The following CYP2C19 variants were observed in gnomAD, a reference collection of about 807,000 sequenced individuals.
CYP2C19 encodes cytochrome P450 family 2 subfamily C member 19, also known as cytochrome P450 2C19.
Under a neutral mutation model 40.9 loss-of-function variants are expected in CYP2C19, and 59 were observed. That is an observed-to-expected ratio of 1.44 (90% confidence interval 1.17 to 1.79). The LOEUF (loss-of-function observed/expected upper bound fraction) is 1.79, where lower values mean the gene tolerates loss of function less well. Among genes scored for constraint, CYP2C19 ranks in the 40% most tolerant of loss-of-function variants. The pLI, the probability that CYP2C19 is intolerant of heterozygous loss-of-function variation, is 0.00. For missense variants in CYP2C19, 754 were observed against 596.9 expected (o/e 1.26, Z -2.74); for synonymous variants, 253 against 208.7 (o/e 1.21, Z -1.83).
At chr10:94,828,744 G>T (rs1589370730) in intron 6 of CYP2C19, among the ~76,000 whole-genome samples, 1 of 152,116 alleles carries the variant, frequency 6.6e-6, no homozygotes, top group South Asian at 2.1e-4. Flanking sequence ...AGTTGATGCA[G>T]TTTCTTCCTA....
chr10:94,835,203 C>G (rs780680697), intron 6 of CYP2C19, among the ~76,000 whole-genome samples: 1 of 152,164 alleles, frequency 6.6e-6, no homozygotes, highest in Non-Finnish European at 1.5e-5. Context: ...GTATGGCCTG[C>G]AGTGCCTTTG....
At chr10:94,810,653 G>A (rs1241855414) in intron 5 of CYP2C19, among the ~76,000 whole-genome samples, 2 of 152,144 alleles carry the variant, frequency 1.3e-5, no homozygotes, top group African/African-American at 4.8e-5. Context: ...ATTTCTTCTA[G>A]ATTTTCTAGT....
intron 1 of CYP2C19, among the ~76,000 whole-genome samples, chr10:94,767,614 T>A (rs1848265042): frequency 1.3e-5 from 2 of 152,172 alleles, no homozygotes; most frequent in South Asian, 4.1e-4. Context: ...GATTATTCTT[T>A]TGGCACACCT....
intron 5 of CYP2C19, among the ~76,000 whole-genome samples, chr10:94,810,323 C>G (rs550491506): frequency 2.0e-5 from 3 of 152,072 alleles, no homozygotes; most frequent in Admixed American, 6.6e-5. Flanking sequence ...ATGTTCATCA[C>G]GGATATTGGC....
Position 94,853,190 on chromosome 10 carries a change from G to T in CYP2C19, c.*276G>T. 2.3e-6 allele frequency: 1 copy of T among 428,616 alleles called. No homozygotes were observed. The highest frequency in any genetic ancestry group is 4.1e-6 in the Non-Finnish European group (1 of 243,466). The allele number at this position is 428,616 out of a possible 1,614,324, so 26.6% of individuals were successfully genotyped here. ...ATATTATTATTAAATAGAGAAAGAT[G>T]ATTTGTGTATTATAATTCAAAGGCA... On this transcript the variant is annotated 3_prime_UTR_variant, in exon 9 of 9. Coordinates refer to ENST00000371321, the MANE Select transcript of CYP2C19 (RefSeq NM_000769.4).
chr10:94,799,982 G>A (rs1310470188), intron 5 of CYP2C19, among the ~76,000 whole-genome samples: 1 of 151,982 alleles, frequency 6.6e-6, no homozygotes, highest in Non-Finnish European at 1.5e-5. Context: ...TGTTATTACC[G>A]ACATTCTGAA....
At position 94,822,903 on chromosome 10, in the gene CYP2C19, T is replaced by C. The variant is rs540779003; in HGVS notation, c.961+2266T>C. On this transcript the variant is annotated intron_variant, in intron 6 of 8. Coordinates refer to ENST00000371321, the MANE Select transcript of CYP2C19 (RefSeq NM_000769.4). ...TTTTGAGAAGTGTCTGTTCATGTCCTTTCACCATTTCTAATTTTTTTTTTG... is the reference window on the plus strand; with the variant it reads ...TTTTGAGAAGTGTCTGTTCATGTCCCTTCACCATTTCTAATTTTTTTTTTG... Among the ~76,000 whole-genome samples the C allele has an allele frequency of 3.6e-4, 55 of 152,110 alleles. No homozygotes were observed. The South Asian group carries it at 4.8e-3, about 13-fold the overall frequency.
At chr10:94,848,924 T>G (rs1217870253) in intron 7 of CYP2C19, among the ~76,000 whole-genome samples, 1 of 151,370 alleles carries the variant, frequency 6.6e-6, no homozygotes, top group African/African-American at 2.5e-5. Context: ...TGTCCATTGA[T>G]TTTGTATCCT....
chr10:94,821,656 G>C (rs1011481282), intron 6 of CYP2C19, among the ~76,000 whole-genome samples: 1 of 152,010 alleles, frequency 6.6e-6, no homozygotes, highest in East Asian at 1.9e-4. Flanking sequence ...AAAGACTTTC[G>C]GTTATGCTGC....
Position 94,775,395 on chromosome 10 carries a change from G to T in CYP2C19, c.337G>T (p.Val113Phe). 1.2e-6 allele frequency: 2 copies of T among 1,613,974 alleles called. No homozygotes were observed. Among genetic ancestry groups the T allele is most frequent in the African/African-American group, 1.3e-5 (1 of 75,030 alleles). Residue 113 changes from valine to phenylalanine, a missense_variant, in exon 3 of 9, where the codon GTT becomes TTT. Physicochemically the swap from Val to Phe is conservative, Grantham distance 50. Transcript: ENST00000371321. ...AERANRGFGI[V>F]FSNGKRWKEI... The stretch of plus-strand genomic sequence containing the variant: ...TTCGTTTCTCTTCCTGTTAGGAATC[G>T]TTTTCAGCAATGGAAAGAGATGGAA...
chr10:94,766,696 A>G (rs141305589), intron 1 of CYP2C19, among the ~76,000 whole-genome samples: 107 of 152,170 alleles, frequency 7.0e-4, no homozygotes, highest in Middle Eastern at 3.4e-3. Context: ...CTTCTGAAAT[A>G]AGAGATGCAA....
At position 94,835,011 on chromosome 10, in the gene CYP2C19, A is replaced by G. The variant is rs185915748; in HGVS notation, c.962-7826A>G. Among the ~76,000 whole-genome samples, 471 of 152,210 alleles carry G rather than the reference A, an allele frequency of 3.1e-3. 3 individuals are homozygous for G. The highest frequency in any genetic ancestry group is 0.011 in the African/African-American group (448 of 41,518). ...GTGGTGCAGTTGAGATTTCCTCGGG[A>G]GAGGTGCCTTCAATGTCATTAACAT... On this transcript the variant is annotated intron_variant, in intron 6 of 8. Transcript: ENST00000371321.
At position 94,811,621 on chromosome 10, in the gene CYP2C19, C is replaced by T. The variant is rs2264940; in HGVS notation, c.820-8875C>T. Among the ~76,000 whole-genome samples the T allele has an allele frequency of 6.6e-5, 10 of 152,106 alleles. No homozygotes were observed. In the South Asian group the frequency reaches 2.1e-3, roughly 32 times the overall value. On this transcript the variant is annotated intron_variant, in intron 5 of 8. Transcript: ENST00000371321. Reference sequence around the variant, plus strand: ...TAGCTCTTCTCGTTGCATTGATCCCCTTAACATTATATGATACCACCCCTT... The same window carrying T: ...TAGCTCTTCTCGTTGCATTGATCCCTTTAACATTATATGATACCACCCCTT...
At chr10:94,767,896 A>G (rs756025461) in intron 1 of CYP2C19, among the ~76,000 whole-genome samples, 7 of 152,052 alleles carry the variant, frequency 4.6e-5, no homozygotes, top group Non-Finnish European at 1.0e-4. Context: ...TTTGTTCCAT[A>G]CCAAGTGTCC....
At chr10:94,825,860 T>G (rs1336373947) in intron 6 of CYP2C19, among the ~76,000 whole-genome samples, 3 of 150,844 alleles carry the variant, frequency 2.0e-5, no homozygotes, top group Non-Finnish European at 3.0e-5. Context: ...GGATCCAGTT[T>G]CAGCTTTCTA....
chr10:94,826,139 G>A (rs963152046), intron 6 of CYP2C19, among the ~76,000 whole-genome samples: 43 of 151,950 alleles, frequency 2.8e-4, no homozygotes, highest in South Asian at 6.2e-4. Context: ...TTGGTGATGC[G>A]GGCTCTTTTT....
intron 5 of CYP2C19, among the ~76,000 whole-genome samples, chr10:94,810,519 C>CTTT (rs59589203): frequency 1.3e-5 from 2 of 151,576 alleles, no homozygotes; most frequent in South Asian, 2.1e-4. Flanking sequence ...AGGTCCTGGG[C>CTTT]TTTTTTTTGC....
intron 6 of CYP2C19, among the ~76,000 whole-genome samples, chr10:94,823,403 G>C (rs1311961527): frequency 6.6e-6 from 1 of 152,138 alleles, no homozygotes; most frequent in South Asian, 2.1e-4. Context: ...TTTGGTAAGG[G>C]TCCACACCTT....
chr10:94,793,929 T>C (rs1482181327), intron 5 of CYP2C19, among the ~76,000 whole-genome samples: 1 of 152,166 alleles, frequency 6.6e-6, no homozygotes, highest in African/African-American at 2.4e-5. Flanking sequence ...TTCTGCTGCC[T>C]TTTGTTCAGC....
Sources: allele counts gnomAD v4.1 joint callset (sites outside exome capture counted in the v4.1 genomes callset), GRCh38; gene constraint gnomAD v4.1.1; transcripts MANE v1.5; gene names NCBI Gene and HGNC (gene_info 2026-07-23, HGNC 2026-07-21).